GPM6B: variants seen among roughly 807,000 people sequenced by gnomAD.
GPM6B encodes the protein neuronal membrane glycoprotein M6-b.
A neutral mutation model predicts 27.2 loss-of-function variants in GPM6B; 4 were observed. The ratio of observed to expected loss-of-function variants is 0.15; its 90% CI spans 0.07 to 0.34. The LOEUF (loss-of-function observed/expected upper bound fraction) is 0.34, where lower values mean the gene tolerates loss of function less well. Among genes scored for constraint, GPM6B ranks in the 10% least tolerant of loss-of-function variants. The pLI, the probability that GPM6B is intolerant of heterozygous loss-of-function variation, is 1.00. For missense variants in GPM6B, 183 were observed against 261.9 expected, an observed-to-expected ratio of 0.70 and a Z score of 2.08; for synonymous variants, 124 against 103.1, an observed-to-expected ratio of 1.20 and a Z score of -1.23.
chrX:13,907,047 T>C (rs1233480753), intron 1 of GPM6B, among the ~76,000 whole-genome samples: 1 of 112,660 alleles, frequency 8.9e-6, no homozygotes, highest in Non-Finnish European at 1.9e-5. Flanking sequence ...TCTGTTTCTG[T>C]GTCTCCTGGT....
chrX:13,794,177 TC>T (rs2048765366), intron 2 of GPM6B, among the ~76,000 whole-genome samples: 2 of 107,016 alleles, frequency 1.9e-5, no homozygotes, highest in African/African-American at 7.0e-5. Flanking sequence ...TGGTTCTCTC[TC>T]TCTCTCTCTT....
chrX:13,863,238 AAGATAC>A (rs915721167), intron 1 of GPM6B, among the ~76,000 whole-genome samples: 1 of 111,791 alleles, frequency 8.9e-6, no homozygotes, highest in Non-Finnish European at 1.9e-5. Flanking sequence ...TGAGCAGCAA[AAGATAC>A]AGATAATTTC....
chrX:13,924,620 G>A (rs954348984), intron 1 of GPM6B, among the ~76,000 whole-genome samples: 2 of 111,824 alleles, frequency 1.8e-5, no homozygotes, highest in East Asian at 2.8e-4. Flanking sequence ...TTCAACGGAA[G>A]GATATTCCAA....
At chrX:13,826,116 G>A (rs2049368837) in intron 1 of GPM6B, among the ~76,000 whole-genome samples, 2 of 111,624 alleles carry the variant, frequency 1.8e-5, no homozygotes, top group South Asian at 7.6e-4. Flanking sequence ...ATAGCCCTAA[G>A]AAGGAGAAAG....
At chrX:13,785,074 G>A (rs1187205735) in intron 3 of GPM6B, among the ~76,000 whole-genome samples, 2 of 111,223 alleles carry the variant, frequency 1.8e-5, no homozygotes, top group Admixed American at 9.6e-5. Context: ...CATGTGTGGA[G>A]TGTCCTATGT....
intron 5 of GPM6B, among the ~76,000 whole-genome samples, chrX:13,779,120 C>T (rs766979733): frequency 9.0e-6 from 1 of 111,315 alleles, no homozygotes; most frequent in African/African-American, 3.3e-5. Context: ...GGATGCTGCC[C>T]TCTTACTCAG....
rs2048301664 is a variant in GPM6B at position 13,771,708 on chromosome X, G to A, written c.*1173C>T. 8.9e-6 allele frequency: 1 copy of A among 112,256 alleles called. No homozygotes were observed. The highest frequency in any genetic ancestry group is 1.9e-5 in the Non-Finnish European group (1 of 53,139). 9.3% of individuals were successfully genotyped at this position (112,256 alleles called of 1,213,427 possible). A position where few individuals can be genotyped will look rare whatever the true frequency, so the allele number is the denominator to read the frequency against. On this transcript the variant is annotated 3_prime_UTR_variant, in exon 8 of 8. Coordinates refer to ENST00000316715, the MANE Select transcript of GPM6B (RefSeq NM_001001995.3). ...CCATCACTAATACCCAGTACCTACA[G>A]TCACTTAATGTTCTGGAACACAATA... is the stretch of plus-strand genomic sequence containing the variant.
intron 2 of GPM6B, among the ~76,000 whole-genome samples, chrX:13,786,754 C>T (rs376851861): frequency 4.5e-5 from 5 of 111,086 alleles, no homozygotes; most frequent in Non-Finnish European, 9.4e-5. Context: ...CTTGAAAAGA[C>T]GAGACTTGTA....
chrX:13,859,648 T>G (rs2049820438), intron 1 of GPM6B, among the ~76,000 whole-genome samples: 1 of 110,322 alleles, frequency 9.1e-6, no homozygotes, highest in Admixed American at 9.7e-5. Flanking sequence ...CCCTAAGAGA[T>G]GGATAGTTTT....
chrX:13,817,601 C>T (rs2049260841), upstream of GPM6B, among the ~76,000 whole-genome samples: 1 of 112,326 alleles, frequency 8.9e-6, no homozygotes, highest in Non-Finnish European at 1.9e-5. Context: ...ATTCAAAGGA[C>T]GTGCCCATAG....
intron 1 of GPM6B, among the ~76,000 whole-genome samples, chrX:13,861,935 G>A (rs1216049332): frequency 9.0e-6 from 1 of 111,680 alleles, no homozygotes; most frequent in Non-Finnish European, 1.9e-5. Context: ...AGATTCTTCA[G>A]GAACCCACGA....
chrX:13,921,562 C>T (rs1920973776), intron 1 of GPM6B, among the ~76,000 whole-genome samples: 1 of 98,604 alleles, frequency 1.0e-5, no homozygotes, highest in African/African-American at 3.8e-5. Context: ...GTTTTGCAAC[C>T]ACATTTATAA....
intron 1 of GPM6B, among the ~76,000 whole-genome samples, chrX:13,866,102 G>T (rs1383323422): frequency 8.9e-6 from 1 of 111,935 alleles, no homozygotes; most frequent in African/African-American, 3.2e-5. Context: ...AGTGGCTCAC[G>T]CCTGTAATCC....
intron 1 of GPM6B, among the ~76,000 whole-genome samples, chrX:13,860,615 C>T (rs955251382): frequency 5.4e-5 from 6 of 110,650 alleles, no homozygotes; most frequent in African/African-American, 2.0e-4. Flanking sequence ...ACCATTAACA[C>T]AAAAATTCAT....
intron 1 of GPM6B, among the ~76,000 whole-genome samples, chrX:13,931,752 T>C (rs1183864969): frequency 8.9e-6 from 1 of 111,947 alleles, no homozygotes; most frequent in Non-Finnish European, 1.9e-5. Flanking sequence ...ATTACTCCCA[T>C]CTGGCTTTCA....
intron 1 of GPM6B, among the ~76,000 whole-genome samples, chrX:13,842,551 A>G (rs2049590878): frequency 9.0e-6 from 1 of 110,802 alleles, no homozygotes; most frequent in African/African-American, 3.3e-5. Context: ...TAATTATTTT[A>G]TTGACCTGAT....
At chrX:13,784,347 G>A (rs949404182) in intron 3 of GPM6B, among the ~76,000 whole-genome samples, 5 of 112,135 alleles carry the variant, frequency 4.5e-5, no homozygotes, top group African/African-American at 1.6e-4. Flanking sequence ...GTTCAGTCTT[G>A]GTAAACATTT....
At chrX:13,887,919 T>C (rs1455900942) in intron 1 of GPM6B, among the ~76,000 whole-genome samples, 1 of 111,717 alleles carries the variant, frequency 9.0e-6, no homozygotes, top group Non-Finnish European at 1.9e-5. Flanking sequence ...TGAGGATTTT[T>C]TGTTATAAAA....
At chrX:13,910,562 C>G (rs1442587651) in intron 1 of GPM6B, among the ~76,000 whole-genome samples, 1 of 113,314 alleles carries the variant, frequency 8.8e-6, no homozygotes, top group Non-Finnish European at 1.9e-5. Flanking sequence ...CCTTTCTAAA[C>G]AAGACACTGG....
Sources: gnomAD v4.1 joint callset for allele counts (sites outside exome capture counted in the v4.1 genomes callset) on GRCh38, gnomAD v4.1.1 for gene constraint, MANE v1.5 for transcripts, NCBI Gene and HGNC (gene_info 2026-07-23, HGNC 2026-07-21) for gene names.